The following CSGALNACT1 variants were observed in gnomAD, a reference collection of about 807,000 sequenced individuals.
CSGALNACT1 encodes the protein chondroitin sulfate N-acetylgalactosaminyltransferase 1.
In CSGALNACT1, 52 loss-of-function variants were observed where a neutral mutation model predicts 51.0. That is an observed-to-expected ratio of 1.02 (90% CI 0.82 to 1.29). CSGALNACT1 has a LOEUF of 1.29. Ranked by LOEUF, CSGALNACT1 falls within the 50% of genes most tolerant of loss-of-function variation. The pLI is 0.00. For missense variants in CSGALNACT1, 935 were observed against 679.2 expected (o/e 1.38, Z -4.19); for synonymous variants, 341 against 254.4 (o/e 1.34, Z -3.24).
At chr8:19,549,498 GT>G (rs968915290) in intron 3 of CSGALNACT1, among the ~76,000 whole-genome samples, 7 of 151,718 alleles carry the variant, frequency 4.6e-5, no homozygotes, top group African/African-American at 1.7e-4. Context: ...AATTTCTTTT[GT>G]TTTTTTCCTC....
intron 3 of CSGALNACT1, among the ~76,000 whole-genome samples, chr8:19,525,660 C>T (rs977540800): frequency 3.8e-4 from 52 of 136,062 alleles, no homozygotes; most frequent in African/African-American, 1.5e-3. Context: ...GTAGAGCCCA[C>T]CATAAGCCTT....
At chr8:19,415,168 C>T (rs1342080135) in intron 8 of CSGALNACT1, among the ~76,000 whole-genome samples, 1 of 152,182 alleles carries the variant, frequency 6.6e-6, no homozygotes, top group East Asian at 1.9e-4. Context: ...CAGTTCACCT[C>T]TATAAAAAGA....
chr8:19,646,722 G>A (rs1020194228), intron 1 of CSGALNACT1, among the ~76,000 whole-genome samples: 1 of 151,934 alleles, frequency 6.6e-6, no homozygotes, highest in African/African-American at 2.4e-5. Context: ...TCTATAAAAG[G>A]GGTCTATAAA....
intron 3 of CSGALNACT1, among the ~76,000 whole-genome samples, chr8:19,549,788 A>G (rs1022698414): frequency 6.7e-6 from 1 of 149,096 alleles, no homozygotes; most frequent in African/African-American, 2.5e-5. Context: ...CTACCGTTGC[A>G]TTTGGCTGAC....
At chr8:19,573,654 G>A (rs1055875758) in intron 3 of CSGALNACT1, among the ~76,000 whole-genome samples, 1 of 152,122 alleles carries the variant, frequency 6.6e-6, no homozygotes, top group Non-Finnish European at 1.5e-5. Context: ...ATGTTGGCCA[G>A]GCTGGTCTCG....
At chr8:19,544,140 G>A (rs1274210518) in intron 3 of CSGALNACT1, among the ~76,000 whole-genome samples, 1 of 151,082 alleles carries the variant, frequency 6.6e-6, no homozygotes, top group East Asian at 1.9e-4. Flanking sequence ...ATAGTTTGGT[G>A]ACCACAAGGA....
intron 5 of CSGALNACT1, among the ~76,000 whole-genome samples, chr8:19,445,257 A>ACGT (rs1269090372): frequency 3.8e-4 from 58 of 152,222 alleles, no homozygotes; most frequent in African/African-American, 9.6e-5. Context: ...GTAGAATACA[A>ACGT]GCACACACAC....
chr8:19,667,346 G>T (rs1388677047), intron 1 of CSGALNACT1, among the ~76,000 whole-genome samples: 1 of 151,774 alleles, frequency 6.6e-6, no homozygotes, highest in African/African-American at 2.4e-5. Context: ...GAGGTTAGGG[G>T]GACTGCTTGA....
At chr8:19,518,026 C>G (rs56672726) in intron 3 of CSGALNACT1, among the ~76,000 whole-genome samples, 18,248 of 152,154 alleles carry the variant, frequency 0.12, 3,061 homozygotes, top group African/African-American at 0.38. Flanking sequence ...AAGTAAGCAC[C>G]TGGAGAGATC....
At chr8:19,735,940 C>A (rs1458524313) in intron 1 of CSGALNACT1, among the ~76,000 whole-genome samples, 1 of 152,114 alleles carries the variant, frequency 6.6e-6, no homozygotes, top group Non-Finnish European at 1.5e-5. Context: ...TTTATACAAT[C>A]AATTTTATCA....
At chr8:19,578,651 A>G (rs1028574142) in intron 3 of CSGALNACT1, among the ~76,000 whole-genome samples, 21 of 152,048 alleles carry the variant, frequency 1.4e-4, no homozygotes, top group Non-Finnish European at 5.9e-5. Context: ...AAACTGCGCT[A>G]CCCACCTCCC....
At chr8:19,567,894 T>C (rs1040993104) in intron 3 of CSGALNACT1, among the ~76,000 whole-genome samples, 2 of 152,142 alleles carry the variant, frequency 1.3e-5, no homozygotes, top group African/African-American at 4.8e-5. Context: ...CCATTTACTA[T>C]GTCATCAAAA....
rs1222538438 is a variant in CSGALNACT1 at position 19,406,011 on chromosome 8, C to T, written c.1368G>A (p.Lys456=). ...CCACTATGAGGTTGCTGTGGAGATACTTGCGATAAAGGTGCACATCCTCTC... is the reference window on the plus strand; with the variant it reads ...CCACTATGAGGTTGCTGTGGAGATATTTGCGATAAAGGTGCACATCCTCTC... Residue 456 remains lysine (K), a synonymous_variant, in exon 10 of 10, where the codon AAG becomes AAA. Coordinates refer to ENST00000454498, the Ensembl canonical transcript of CSGALNACT1. 5.6e-6 allele frequency: 9 copies of T among 1,614,096 alleles called. No homozygotes were observed. The highest frequency in any genetic ancestry group is 1.7e-5 in the Admixed American group (1 of 59,996).
intron 9 of CSGALNACT1, among the ~76,000 whole-genome samples, chr8:19,407,221 T>C (rs1222558635): frequency 6.6e-6 from 1 of 152,070 alleles, no homozygotes; most frequent in Non-Finnish European, 1.5e-5. Context: ...GGTGATTTCC[T>C]TGGGGGGTTC....
At position 19,442,283 on chromosome 8, in the gene CSGALNACT1, G is replaced by A. The variant is rs530843855; in HGVS notation, c.852-2352C>T. On this transcript the variant is annotated intron_variant, in intron 5 of 9. Coordinates refer to ENST00000454498, the Ensembl canonical transcript of CSGALNACT1. Reference sequence around the variant, plus strand: ...ACACATGCACATGTATGTTTATTGCGGCACTATTCACAATAGCAAAGACTT... The same window carrying A: ...ACACATGCACATGTATGTTTATTGCAGCACTATTCACAATAGCAAAGACTT... Among the ~76,000 whole-genome samples the A allele has an allele frequency of 2.9e-3, 437 of 152,076 alleles. 3 individuals are homozygous for A. The highest frequency in any genetic ancestry group is 9.9e-3 in the African/African-American group (410 of 41,464).
intron 2 of CSGALNACT1, among the ~76,000 whole-genome samples, chr8:19,598,836 G>T (rs2049565346): frequency 6.6e-6 from 1 of 152,176 alleles, no homozygotes; most frequent in Non-Finnish European, 1.5e-5. Context: ...GGACTAAGTG[G>T]AGCCATCTTC....
chr8:19,632,370 C>T (rs1265601721), intron 1 of CSGALNACT1, among the ~76,000 whole-genome samples: 3 of 152,232 alleles, frequency 2.0e-5, no homozygotes, highest in Non-Finnish European at 2.9e-5. Context: ...ATCTATCTGC[C>T]GTTTACGGCA....
At chr8:19,661,585 C>G (rs906722826) in intron 1 of CSGALNACT1, among the ~76,000 whole-genome samples, 9 of 152,158 alleles carry the variant, frequency 5.9e-5, no homozygotes, top group Admixed American at 5.2e-4. Flanking sequence ...TTAAGTAATA[C>G]AAGTGACTTG....
At chr8:19,505,619 C>T (rs768602556) in exon 4 of CSGALNACT1, 2 of 1,614,156 alleles carry the variant, frequency 1.2e-6, no homozygotes, top group Non-Finnish European at 1.7e-6. Flanking sequence ...TCAGGCTGCT[C>T]ACGTAGTTGC....
Sources: allele counts gnomAD v4.1 joint callset (sites outside exome capture counted in the v4.1 genomes callset), GRCh38; gene constraint gnomAD v4.1.1; transcripts MANE v1.5; gene names NCBI Gene and HGNC (gene_info 2026-07-23, HGNC 2026-07-21).